Variants in SKA1 observed in about 807,000 individuals in gnomAD.
SKA1 encodes SKA complex subunit 1.
In SKA1, 20 loss-of-function variants were observed where a neutral mutation model predicts 31.8. The ratio of observed to expected loss-of-function variants is 0.63; its 90% confidence interval spans 0.44 to 0.91. The LOEUF is 0.91. SKA1 is among the 40% of genes least tolerant of loss of function. The pLI is 0.00. For missense variants in SKA1, 253 were observed against 298.2 expected (o/e 0.85, Z 1.12); for synonymous variants, 88 against 100.5 (o/e 0.88, Z 0.74).
intron 1 of SKA1, among the ~76,000 whole-genome samples, chr18:50,375,586 CCT>C (rs2041207683): frequency 6.6e-6 from 1 of 152,186 alleles, no homozygotes; most frequent in Admixed American, 6.5e-5. Context: ...CCAGGCTTAT[CCT>C]CTTTCCCCTG....
Position 50,391,158 on chromosome 18 carries a change from A to T in SKA1, c.484A>T (p.Asn162Tyr). The change falls in exon 6 of 7, where the codon AAT becomes TAT. Residue 162 changes from asparagine (N) to tyrosine (Y), a missense_variant. Asn to Tyr is a moderately radical substitution (Grantham distance 143). Transcript: ENST00000285116. ...MKSRLTYNQINDVIKEINKAV... is the reference protein window; with the variant it reads ...MKSRLTYNQIYDVIKEINKAV... ...ATCCCGCTTAACCTATAATCAAATT[A>T]ATGATGTTATTAAAGAAATCAACAA... is the stretch of plus-strand genomic sequence containing the variant. 6.4e-7 allele frequency: 1 copy of T among 1,574,208 alleles called. No individual in the cohort carries two copies. Among genetic ancestry groups the T allele is most frequent in the Non-Finnish European group, 8.6e-7 (1 of 1,160,418 alleles).
At position 50,392,154 on chromosome 18, in the gene SKA1, C is replaced by T. The variant is rs749098295; in HGVS notation, c.675C>T (p.Asp225=). ...AGGAGTTCACAACTTTGAAAGCTGA[C>T]AAGAAGTTTCACGTGTTACTGAATA... ...DIKEFTTLKA[D]KKFHVLLNIL... Residue 225 remains aspartate (D), a synonymous_variant, in exon 7 of 7, where the codon GAC becomes GAT. Coordinates refer to ENST00000285116, the MANE Select transcript of SKA1 (RefSeq NM_145060.4). 7.5e-6 allele frequency: 12 copies of T among 1,610,072 alleles called. No homozygotes were observed. Among genetic ancestry groups the T allele is most frequent in the Non-Finnish European group, 9.3e-6 (11 of 1,179,250 alleles).
At chr18:50,385,841 CAT>C (rs1465105999) in intron 5 of SKA1, among the ~76,000 whole-genome samples, 1 of 152,214 alleles carries the variant, frequency 6.6e-6, no homozygotes, top group Admixed American at 6.5e-5. Context: ...TTGCCTTTTA[CAT>C]ATGGCAATAA....
At position 50,385,366 on chromosome 18, in the gene SKA1, GATAA is replaced by G. The variant is rs774492177; in HGVS notation, c.449+18_449+21del. The G allele has an allele frequency of 3.2e-6, 5 of 1,571,708 alleles. No homozygotes were observed. The highest frequency in any genetic ancestry group is 2.3e-5 in the East Asian group (1 of 43,696). On this transcript the variant is annotated intron_variant, in intron 5 of 6. Transcript: ENST00000285116. ...ATGGTGTTCCTTCGTAAGTATTTAA[GATAA>G]ATAATGTTCAACCCCTTAATAAACA...
intron 4 of SKA1, among the ~76,000 whole-genome samples, chr18:50,383,859 T>C (rs1019718212): frequency 1.3e-5 from 2 of 152,236 alleles, no homozygotes; most frequent in African/African-American, 4.8e-5. Flanking sequence ...AGTCTCACAG[T>C]GGAATCTCAT....
At chr18:50,380,400 G>A in intron 3 of SKA1, 150 bp downstream of exon 3, 1 of 913,000 alleles carries the variant, frequency 1.1e-6, no homozygotes, top group Non-Finnish European at 1.5e-6. Context: ...TATTTTCCTA[G>A]TATAGTGGAA....
intron 1 of SKA1, 119 bp from the exon 2 acceptor site, chr18:50,375,701 T>A: frequency 1.6e-6 from 1 of 627,336 alleles, no homozygotes; most frequent in East Asian, 2.7e-5. Flanking sequence ...CTTGAATTTT[T>A]GTGCTTAACC....
intron 5 of SKA1, among the ~76,000 whole-genome samples, chr18:50,390,156 G>C (rs193008886): frequency 6.6e-6 from 1 of 152,234 alleles, no homozygotes; most frequent in East Asian, 1.9e-4. Flanking sequence ...AGAAATTGTG[G>C]TTAGAAAAAA....
rs752955747 is a variant in SKA1 at position 50,392,277 on chromosome 18, AGGGTATAGAGTATAGAGGC to A, written c.*31_*49del. On this transcript the variant is annotated 3_prime_UTR_variant, in exon 7 of 7. Transcript: ENST00000285116. ...CTTGTGAACTTTTGAACATACCAAC[AGGGTATAGAGTATAGAGGC>A]TATTTCTATAATTTTCTTATATATA... 451 of 1,426,604 alleles carry A rather than the reference AGGGTATAGAGTATAGAGGC, an allele frequency of 3.2e-4. No homozygotes were observed. The highest frequency in any genetic ancestry group is 3.8e-4 in the Non-Finnish European group (410 of 1,077,314). 88.4% of individuals were successfully genotyped at this position (1,426,604 alleles called of 1,614,324 possible). A position where few individuals can be genotyped will look rare whatever the true frequency, so the allele number is the denominator to read the frequency against.
At chr18:50,382,299 G>A in intron 4 of SKA1, 73 bp downstream of exon 4, 2 of 917,462 alleles carry the variant, frequency 2.2e-6, no homozygotes, top group Non-Finnish European at 3.2e-6. Flanking sequence ...AAAGCCTTTT[G>A]TTCTTTCATA....
chr18:50,391,383 A>G, intron 6 of SKA1, 90 bp downstream of exon 6: 1 of 1,211,714 alleles, frequency 8.3e-7, no homozygotes, highest in South Asian at 2.4e-5. Flanking sequence ...AAAATTCTAA[A>G]TCTAGAGTGT....
At position 50,393,756 on chromosome 18, in the gene SKA1, C is replaced by T. The variant is rs1210688467; in HGVS notation, c.*1509C>T. ...TTTGACCCCAGTTCCTGACACAAAGCTCCTAAATTCCTTTAAATTTCCCAG... is the reference window on the plus strand; with the variant it reads ...TTTGACCCCAGTTCCTGACACAAAGTTCCTAAATTCCTTTAAATTTCCCAG... On this transcript the variant is annotated 3_prime_UTR_variant, in exon 7 of 7. Coordinates refer to ENST00000285116, the MANE Select transcript of SKA1 (RefSeq NM_145060.4). 4 of 152,158 alleles carry T rather than the reference C, an allele frequency of 2.6e-5. No individual in the cohort carries two copies. Among genetic ancestry groups the T allele is most frequent in the African/African-American group, 9.7e-5 (4 of 41,450 alleles). The allele number at this position is 152,158 out of a possible 1,614,324, so 9.4% of individuals were successfully genotyped here. A position where few individuals can be genotyped will look rare whatever the true frequency, so the allele number is the denominator to read the frequency against.
chr18:50,385,514 A>G (rs2041300195), intron 5 of SKA1, among the ~76,000 whole-genome samples, 161 bp downstream of exon 5: 1 of 152,226 alleles, frequency 6.6e-6, no homozygotes, highest in African/African-American at 2.4e-5. Flanking sequence ...TTTTTTGAAG[A>G]TTTTTGTTGT....
intron 6 of SKA1, among the ~76,000 whole-genome samples, 190 bp from the exon 7 acceptor site, chr18:50,391,909 C>T (rs1398985942): frequency 6.6e-6 from 1 of 152,104 alleles, no homozygotes; most frequent in South Asian, 2.1e-4. Context: ...TAGCTAGTGA[C>T]CTAATAAATA....
At chr18:50,382,108 G>A (rs1034399925) in intron 3 of SKA1, 21 bp from the exon 4 acceptor site, 1 of 1,355,432 alleles carries the variant, frequency 7.4e-7, no homozygotes, top group African/African-American at 1.5e-5. Context: ...AGACTTATTT[G>A]TGAGCACTTT....
At chr18:50,389,564 T>C (rs1307706013) in intron 5 of SKA1, among the ~76,000 whole-genome samples, 2 of 151,796 alleles carry the variant, frequency 1.3e-5, no homozygotes, top group African/African-American at 2.4e-5. Flanking sequence ...CCCAGCTAAT[T>C]TTTCTACTTT....
chr18:50,386,537 C>T (rs1424565900), intron 5 of SKA1, among the ~76,000 whole-genome samples: 1 of 152,212 alleles, frequency 6.6e-6, no homozygotes, highest in Non-Finnish European at 1.5e-5. Context: ...ATATCTGTTA[C>T]AGTTGTCAAA....
intron 5 of SKA1, among the ~76,000 whole-genome samples, chr18:50,386,464 A>G (rs2041308629): frequency 6.6e-6 from 1 of 152,196 alleles, no homozygotes; most frequent in Non-Finnish European, 1.5e-5. Flanking sequence ...CAGATAGTAC[A>G]GTGTTCTCAT....
intron 4 of SKA1, 28 bp from the exon 5 acceptor site, chr18:50,385,188 T>C: frequency 6.5e-7 from 1 of 1,545,988 alleles, no homozygotes; most frequent in Non-Finnish European, 8.7e-7. Flanking sequence ...GAAAATTGCC[T>C]GTATGTATGT....
Sources: gnomAD v4.1 joint callset for allele counts (sites outside exome capture counted in the v4.1 genomes callset) on GRCh38, gnomAD v4.1.1 for gene constraint, MANE v1.5 for transcripts, NCBI Gene and HGNC (gene_info 2026-07-23, HGNC 2026-07-21) for gene names.